DNER: variants seen among roughly 807,000 people sequenced by gnomAD.
DNER encodes delta and Notch-like epidermal growth factor-related receptor.
Under a neutral mutation model 78.2 loss-of-function variants are expected in DNER, and 33 were observed. The observed-to-expected ratio is 0.42, with a 90% CI of 0.32 to 0.56. DNER has a LOEUF of 0.56. Among genes scored for constraint, DNER ranks in the 20% least tolerant of loss-of-function variants. DNER has a pLI of 0.11. For synonymous variants in DNER, 417 were observed against 384.8 expected (o/e 1.08, Z -0.98); for missense variants, 918 against 975.3 (o/e 0.94, Z 0.78).
chr2:229,612,526 C>G (rs1698067721), intron 1 of DNER, among the ~76,000 whole-genome samples: 1 of 152,304 alleles, frequency 6.6e-6, no homozygotes, highest in African/African-American at 2.4e-5. Context: ...TTAGACTGGC[C>G]CAGCTGTGCG....
chr2:229,455,612 A>C (rs892524428), intron 7 of DNER, among the ~76,000 whole-genome samples: 1 of 152,178 alleles, frequency 6.6e-6, no homozygotes, highest in Non-Finnish European at 1.5e-5. Flanking sequence ...ACGAACAGTT[A>C]CTGGGCCATG....
In DNER at chr2:229,358,453, T is replaced by A. The variant is rs539117735; in HGVS notation, c.*87A>T. On this transcript the variant is annotated 3_prime_UTR_variant, in exon 13 of 13. Transcript: ENST00000341772. ...ACTGAAAACTCTTGAGCAGCTAGCA[T>A]TTTAAATTTCTTAAGCTTTTTATTT... 1 of 1,091,178 alleles carries A rather than the reference T, an allele frequency of 9.2e-7. No homozygotes were observed. Among genetic ancestry groups the A allele is most frequent in the Admixed American group, 3.0e-5 (1 of 33,586 alleles). The allele number at this position is 1,091,178 out of a possible 1,614,324, so 67.6% of individuals were successfully genotyped here.
At chr2:229,390,670 C>A (rs572420514) in intron 10 of DNER, among the ~76,000 whole-genome samples, 2 of 152,370 alleles carry the variant, frequency 1.3e-5, no homozygotes, top group Admixed American at 6.5e-5. Context: ...CTATCTCATT[C>A]TGGTTTTCAT....
At chr2:229,617,560 T>C (rs182409604) in intron 1 of DNER, among the ~76,000 whole-genome samples, 1 of 152,218 alleles carries the variant, frequency 6.6e-6, no homozygotes, top group Non-Finnish European at 1.5e-5. Flanking sequence ...AAAAAAAAGT[T>C]TATATTTTTT....
chr2:229,557,650 AAGAG>A (rs1459006657), intron 4 of DNER, among the ~76,000 whole-genome samples: 1 of 152,136 alleles, frequency 6.6e-6, no homozygotes, highest in Non-Finnish European at 1.5e-5. Context: ...AAGACAGAAA[AAGAG>A]AGAGTAAAAG....
At chr2:229,502,694 C>T (rs1695646611) in intron 6 of DNER, among the ~76,000 whole-genome samples, 1 of 152,158 alleles carries the variant, frequency 6.6e-6, no homozygotes, top group Non-Finnish European at 1.5e-5. Flanking sequence ...TTTCTTCAGA[C>T]CAATGAACAC....
At chr2:229,458,876 T>G (rs1347413471) in intron 7 of DNER, among the ~76,000 whole-genome samples, 1 of 151,824 alleles carries the variant, frequency 6.6e-6, no homozygotes, top group Non-Finnish European at 1.5e-5. Context: ...TCCAAAGAAA[T>G]CTAAAATAAA....
Position 229,447,515 on chromosome 2 carries a change from T to G in DNER, c.1287A>C (p.Glu429Asp). ...GAGACGAGGCGCAGGGGTCCACCTT[T>G]TCTTCACAAGCAGATCCGAAGTATC... is the stretch of plus-strand genomic sequence containing the variant. The part of the protein sequence containing the change: ...PEGYFGSACE[E>D]KVDPCASSPC... Residue 429 changes from glutamate to aspartate, a missense_variant, in exon 8 of 13, where the codon GAA becomes GAC. By Grantham distance (45) the Glu-to-Asp change is conservative. Transcript: ENST00000341772. 1 of 1,614,182 alleles carries G rather than the reference T, an allele frequency of 6.2e-7. No homozygotes were observed. The highest frequency in any genetic ancestry group is 1.3e-5 in the African/African-American group (1 of 75,056).
chr2:229,691,899 G>A (rs1275918353), intron 1 of DNER, among the ~76,000 whole-genome samples: 1 of 152,144 alleles, frequency 6.6e-6, no homozygotes, highest in Non-Finnish European at 1.5e-5. Flanking sequence ...CTAATCTCAG[G>A]ACTTTCCTGA....
chr2:229,538,619 TAAG>T (rs1344443744), intron 5 of DNER, among the ~76,000 whole-genome samples: 1 of 152,212 alleles, frequency 6.6e-6, no homozygotes, highest in Non-Finnish European at 1.5e-5. Context: ...TGAAAATTGC[TAAG>T]AACAAATTTT....
At chr2:229,442,427 A>G (rs1694254737) in intron 8 of DNER, among the ~76,000 whole-genome samples, 1 of 152,016 alleles carries the variant, frequency 6.6e-6, no homozygotes, top group Admixed American at 6.6e-5. Flanking sequence ...AGGCAGGAGA[A>G]TGGTGTGAAC....
chr2:229,486,312 T>A (rs1307438358), intron 6 of DNER, among the ~76,000 whole-genome samples: 2 of 151,402 alleles, frequency 1.3e-5, no homozygotes, highest in Non-Finnish European at 2.9e-5. Flanking sequence ...GGAAGATACA[T>A]GAAGCCCATC....
chr2:229,477,768 TTAAAGA>T (rs1215931342), intron 6 of DNER, among the ~76,000 whole-genome samples: 2 of 152,186 alleles, frequency 1.3e-5, no homozygotes, highest in African/African-American at 2.4e-5. Context: ...TCCTCCCACT[TTAAAGA>T]TAAAGAGATT....
intron 4 of DNER, among the ~76,000 whole-genome samples, chr2:229,555,651 G>A (rs76891986): frequency 0.021 from 3,231 of 152,182 alleles, 110 homozygotes; most frequent in African/African-American, 0.066. Context: ...TGGTGAGTAG[G>A]GAGTCAAGAT....
At chr2:229,537,041 C>A (rs1408365393) in intron 5 of DNER, among the ~76,000 whole-genome samples, 1 of 152,128 alleles carries the variant, frequency 6.6e-6, no homozygotes, top group Non-Finnish European at 1.5e-5. Flanking sequence ...GAGACCCCTG[C>A]CTTTAGTGCG....
intron 6 of DNER, among the ~76,000 whole-genome samples, chr2:229,500,236 A>C (rs1695589509): frequency 1.3e-5 from 2 of 152,138 alleles, no homozygotes; most frequent in Non-Finnish European, 2.9e-5. Context: ...CCCGGCCCTG[A>C]ATAAGCTTTC....
At chr2:229,607,307 T>C (rs2154215061) in intron 1 of DNER, among the ~76,000 whole-genome samples, 1 of 152,344 alleles carries the variant, frequency 6.6e-6, no homozygotes, top group East Asian at 1.9e-4. Context: ...GCTTATGCTA[T>C]ATCTGGCATG....
chr2:229,383,054 G>A (rs955572434), intron 11 of DNER, among the ~76,000 whole-genome samples: 6 of 152,236 alleles, frequency 3.9e-5, no homozygotes, highest in Admixed American at 2.0e-4. Context: ...TCAGACTAAC[G>A]GCAGATCTCT....
intron 5 of DNER, among the ~76,000 whole-genome samples, chr2:229,537,230 G>A (rs777415205): frequency 3.3e-5 from 5 of 152,002 alleles, no homozygotes; most frequent in South Asian, 4.2e-4. Context: ...CCCCGACCCC[G>A]CCAAAAAAAA....
Sources: allele counts gnomAD v4.1 joint callset (sites outside exome capture counted in the v4.1 genomes callset), GRCh38; gene constraint gnomAD v4.1.1; transcripts MANE v1.5; gene names NCBI Gene and HGNC (gene_info 2026-07-23, HGNC 2026-07-21).